Variants in COX10 observed in about 807,000 individuals in gnomAD.
COX10 encodes the protein protoheme IX farnesyltransferase, mitochondrial.
A neutral mutation model predicts 37.3 loss-of-function variants in COX10; 27 were observed. That is an observed-to-expected ratio of 0.72 (90% CI 0.53 to 1.00). The LOEUF (loss-of-function observed/expected upper bound fraction) is 1.00. Ranked by LOEUF, COX10 falls within the 50% of genes least tolerant of loss-of-function variation. COX10 has a pLI of 0.00. For synonymous variants in COX10, 222 were observed against 229.1 expected, an observed-to-expected ratio of 0.97 and a Z score of 0.28; for missense variants, 475 against 563.2, an observed-to-expected ratio of 0.84 and a Z score of 1.59.
intron 6 of COX10, 112 bp downstream of exon 6, chr17:14,192,333 T>A: frequency 6.2e-7 from 1 of 1,613,732 alleles, no homozygotes; most frequent in African/African-American, 1.3e-5. Flanking sequence ...TTAATTCTTT[T>A]AGCAAATGTG....
chr17:14,185,068 G>A (rs1437967749), intron 5 of COX10, among the ~76,000 whole-genome samples: 1 of 150,994 alleles, frequency 6.6e-6, no homozygotes, highest in Non-Finnish European at 1.5e-5. Context: ...CTAGAAACCA[G>A]ATGTCAGAGT....
rs559935756 is a variant in COX10, at chr17:14,194,977, T to C, written c.928+2756T>C. On this transcript the variant is annotated intron_variant, in intron 6 of 6. Coordinates refer to ENST00000261643, the MANE Select transcript of COX10 (RefSeq NM_001303.4). ...CTTGGCAGTTTTTGAGGTTGGCTTC[T>C]ATTACAGTGTATCCTTTTACTTTAA... is the stretch of plus-strand genomic sequence containing the variant. Among the ~76,000 whole-genome samples the C allele has an allele frequency of 4.6e-5, 7 of 152,366 alleles. 1 individual carries two copies. In the East Asian group the frequency reaches 1.3e-3, roughly 29 times the overall value.
At chr17:14,175,546 C>T (rs1905660209) in intron 5 of COX10, among the ~76,000 whole-genome samples, 1 of 151,600 alleles carries the variant, frequency 6.6e-6, no homozygotes, top group South Asian at 2.1e-4. Flanking sequence ...ATTGTTACTA[C>T]TTTTTTCAGA....
intron 4 of COX10, among the ~76,000 whole-genome samples, chr17:14,121,828 G>A (rs1048421308): frequency 6.6e-6 from 1 of 152,154 alleles, no homozygotes; most frequent in African/African-American, 2.4e-5. Flanking sequence ...GTGCATTTTA[G>A]CTGGAGTACA....
intron 4 of COX10, among the ~76,000 whole-genome samples, chr17:14,108,983 G>A (rs1449698284): frequency 6.6e-6 from 1 of 152,072 alleles, no homozygotes; most frequent in African/African-American, 2.4e-5. Context: ...GAATACCAGT[G>A]ATGTGATTTA....
At chr17:14,130,327 A>T (rs565159820) in intron 4 of COX10, among the ~76,000 whole-genome samples, 13 of 152,190 alleles carry the variant, frequency 8.5e-5, no homozygotes, top group Non-Finnish European at 1.6e-4. Flanking sequence ...ATCAATGATT[A>T]CAAGATTTGA....
chr17:14,116,037 G>A (rs753000125), intron 4 of COX10, among the ~76,000 whole-genome samples: 1 of 152,024 alleles, frequency 6.6e-6, no homozygotes, highest in Non-Finnish European at 1.5e-5. Flanking sequence ...GGTATACTAA[G>A]GGAAGAGATA....
chr17:14,187,939 G>T (rs1484799756), intron 5 of COX10, among the ~76,000 whole-genome samples: 1 of 152,094 alleles, frequency 6.6e-6, no homozygotes, highest in Non-Finnish European at 1.5e-5. Context: ...ATCATTTTCT[G>T]TGACTTCAAC....
chr17:14,141,143 C>T (rs1904531425), intron 4 of COX10, among the ~76,000 whole-genome samples: 3 of 151,864 alleles, frequency 2.0e-5, no homozygotes, highest in African/African-American at 4.8e-5. Context: ...ACTTTTGTAT[C>T]TGAAACCGTT....
intron 3 of COX10, among the ~76,000 whole-genome samples, chr17:14,097,773 TA>T (rs1303383210): frequency 1.3e-5 from 2 of 152,148 alleles, no homozygotes; most frequent in African/African-American, 2.4e-5. Context: ...GTAAATGACT[TA>T]AAAAAATTTG....
chr17:14,087,035 G>C (rs1018937416), intron 3 of COX10, among the ~76,000 whole-genome samples: 1 of 152,030 alleles, frequency 6.6e-6, no homozygotes, highest in African/African-American at 2.4e-5. Flanking sequence ...AACCTACTTT[G>C]TTTCATGGGG....
intron 5 of COX10, among the ~76,000 whole-genome samples, chr17:14,188,205 C>T (rs1597543322): frequency 1.3e-5 from 1 of 78,096 alleles, no homozygotes; most frequent in African/African-American, 3.7e-5. Flanking sequence ...TTTTTAGAGT[C>T]TCATAGGGAA....
intron 3 of COX10, among the ~76,000 whole-genome samples, chr17:14,099,631 T>C (rs1665291647): frequency 6.6e-6 from 1 of 151,998 alleles, no homozygotes; most frequent in African/African-American, 2.4e-5. Context: ...GTGTCTTTCA[T>C]TCTTTTCCTT....
intron 5 of COX10, among the ~76,000 whole-genome samples, chr17:14,173,440 AG>A (rs1035344356): frequency 6.6e-6 from 1 of 152,280 alleles, no homozygotes; most frequent in Non-Finnish European, 1.5e-5. Flanking sequence ...CTTGACAGAC[AG>A]ACTTTGGATA....
chr17:14,101,495 C>G (rs1044922392), intron 3 of COX10, among the ~76,000 whole-genome samples: 6 of 152,182 alleles, frequency 3.9e-5, no homozygotes, highest in Admixed American at 1.3e-4. Flanking sequence ...GCGCCAGGGC[C>G]TACCGAAAAG....
chr17:14,091,623 G>A (rs1915529765), intron 3 of COX10, among the ~76,000 whole-genome samples: 1 of 152,178 alleles, frequency 6.6e-6, no homozygotes. Context: ...ATTGCATCCT[G>A]AGTAGGCATT....
chr17:14,077,282 C>A, intron 3 of COX10: 1 of 528,922 alleles, frequency 1.9e-6, no homozygotes, highest in Non-Finnish European at 3.3e-6. Context: ...AAAATAGTCA[C>A]CCTTTCCTTT....
At position 14,175,380 on chromosome 17, in the gene COX10, T is replaced by C. The variant is rs879208741; in HGVS notation, c.695+15433T>C. On this transcript the variant is annotated intron_variant, in intron 5 of 6. Transcript: ENST00000261643. ...GCCTGGAATCAAAGCCTAGCTCCTC[T>C]GCCTGCTTCACCTTGCAAGCCTGAC... Among the ~76,000 whole-genome samples the C allele has an allele frequency of 2.6e-3, 401 of 151,824 alleles. 2 individuals are homozygous for C. The highest frequency in any genetic ancestry group is 0.017 in the East Asian group (86 of 5,102).
intron 5 of COX10, among the ~76,000 whole-genome samples, chr17:14,185,596 C>T (rs941718348): frequency 2.0e-5 from 3 of 152,120 alleles, no homozygotes; most frequent in Admixed American, 1.3e-4. Context: ...ACTTAATAAC[C>T]CACATATTAT....
Sources: allele counts gnomAD v4.1 joint callset (sites outside exome capture counted in the v4.1 genomes callset), GRCh38; gene constraint gnomAD v4.1.1; transcripts MANE v1.5; gene names NCBI Gene and HGNC (gene_info 2026-07-23, HGNC 2026-07-21).